Variants in COL8A1 observed in about 807,000 individuals in gnomAD.
COL8A1 encodes collagen alpha-1(VIII) chain.
A neutral mutation model predicts 42.7 loss-of-function variants in COL8A1; 21 were observed. That is an observed-to-expected ratio of 0.49 (90% confidence interval 0.35 to 0.71). The LOEUF is 0.71. Among genes scored for constraint, COL8A1 ranks in the 30% least tolerant of loss-of-function variants. The pLI, the probability that COL8A1 is intolerant of heterozygous loss-of-function variation, is 0.01. For synonymous variants in COL8A1, 367 were observed against 369.1 expected (o/e 0.99, Z 0.06); for missense variants, 788 against 962.4 (o/e 0.82, Z 2.40).
At chr3:99,716,399 C>G (rs1559616186) in intron 1 of COL8A1, among the ~76,000 whole-genome samples, 1 of 152,060 alleles carries the variant, frequency 6.6e-6, no homozygotes, top group Non-Finnish European at 1.5e-5. Flanking sequence ...GTAAGACAAG[C>G]ATTCCATCAG....
At chr3:99,668,101 T>TA (rs1463880618) in intron 1 of COL8A1, among the ~76,000 whole-genome samples, 1 of 152,080 alleles carries the variant, frequency 6.6e-6, no homozygotes, top group Admixed American at 6.6e-5. Flanking sequence ...ACAGCAAATT[T>TA]AAAAAAATAG....
At chr3:99,697,529 A>C (rs1939414917) in intron 1 of COL8A1, among the ~76,000 whole-genome samples, 1 of 152,186 alleles carries the variant, frequency 6.6e-6, no homozygotes, top group Non-Finnish European at 1.5e-5. Context: ...AGCTGAGATA[A>C]AAGCATGTTT....
intron 2 of COL8A1, among the ~76,000 whole-genome samples, chr3:99,783,283 A>C (rs1231841145): frequency 6.6e-6 from 1 of 152,246 alleles, no homozygotes; most frequent in Non-Finnish European, 1.5e-5. Context: ...CGCTGGGGGC[A>C]CAACCTAATT....
chr3:99,657,575 C>A (rs989371914), intron 1 of COL8A1, among the ~76,000 whole-genome samples: 2 of 152,120 alleles, frequency 1.3e-5, no homozygotes, highest in African/African-American at 4.8e-5. Context: ...TCAAAAGTGT[C>A]TTTACTCTTT....
At chr3:99,659,857 G>C (rs1028142210) in intron 1 of COL8A1, among the ~76,000 whole-genome samples, 1 of 152,050 alleles carries the variant, frequency 6.6e-6, no homozygotes, top group Non-Finnish European at 1.5e-5. Flanking sequence ...TTCTATTGCT[G>C]GCCATTTGAA....
intron 1 of COL8A1, among the ~76,000 whole-genome samples, chr3:99,647,889 T>G (rs761585824): frequency 7.6e-4 from 115 of 152,180 alleles, no homozygotes; most frequent in Non-Finnish European, 1.2e-3. Flanking sequence ...TTACTATTTC[T>G]CTTAGGACAT....
intron 1 of COL8A1, among the ~76,000 whole-genome samples, chr3:99,712,462 AGCCTGTCGGACATCCGG>A (rs2107358923): frequency 6.6e-6 from 1 of 152,304 alleles, no homozygotes; most frequent in Non-Finnish European, 1.5e-5. Flanking sequence ...TCCACCTCCC[AGCCTGTCGGACATCCGG>A]GCTCATGATT....
intron 1 of COL8A1, among the ~76,000 whole-genome samples, chr3:99,656,540 T>C (rs576884227): frequency 2.0e-5 from 3 of 152,122 alleles, no homozygotes; most frequent in African/African-American, 7.2e-5. Context: ...TTGGACTTTG[T>C]TCCTATTTCA....
At chr3:99,778,833 A>G (rs970287105) in intron 2 of COL8A1, among the ~76,000 whole-genome samples, 2 of 152,302 alleles carry the variant, frequency 1.3e-5, no homozygotes, top group Non-Finnish European at 2.9e-5. Flanking sequence ...GAAAAGGGGT[A>G]GGCAGGATGA....
intron 2 of COL8A1, among the ~76,000 whole-genome samples, chr3:99,764,701 C>CTTTTTT (rs10648559): frequency 4.0e-5 from 5 of 125,050 alleles, no homozygotes; most frequent in South Asian, 2.4e-4. Flanking sequence ...TCTTTTTTTT[C>CTTTTTT]TTTTTTTTTT....
chr3:99,676,527 T>TA (rs1409738730), intron 1 of COL8A1, among the ~76,000 whole-genome samples: 1 of 152,114 alleles, frequency 6.6e-6, no homozygotes, highest in South Asian at 2.1e-4. Flanking sequence ...AGGGGTTTGA[T>TA]AACATTTAAT....
At chr3:99,675,250 C>T (rs1938658814) in intron 1 of COL8A1, among the ~76,000 whole-genome samples, 1 of 152,030 alleles carries the variant, frequency 6.6e-6, no homozygotes, top group Non-Finnish European at 1.5e-5. Context: ...GAAGCTCCCT[C>T]AGAGATCTCT....
chr3:99,656,765 C>T (rs1367449305), intron 1 of COL8A1, among the ~76,000 whole-genome samples: 4 of 152,192 alleles, frequency 2.6e-5, no homozygotes, highest in African/African-American at 9.7e-5. Context: ...GGTCAATTTG[C>T]TCCTGCATAA....
At chr3:99,679,929 T>G (rs1938817059) in intron 1 of COL8A1, 1 of 152,198 alleles carries the variant, frequency 6.6e-6, no homozygotes, top group Admixed American at 6.5e-5. Context: ...CATTAGCAAC[T>G]GTTACTTCAA....
intron 1 of COL8A1, among the ~76,000 whole-genome samples, chr3:99,695,146 A>C (rs1389093412): frequency 6.6e-6 from 1 of 152,194 alleles, no homozygotes; most frequent in African/African-American, 2.4e-5. Context: ...TTAAAAAGTA[A>C]AATGAAACAG....
At chr3:99,687,833 G>T (rs1939108446) in intron 1 of COL8A1, among the ~76,000 whole-genome samples, 1 of 152,160 alleles carries the variant, frequency 6.6e-6, no homozygotes, top group Non-Finnish European at 1.5e-5. Flanking sequence ...TGGCAATTTT[G>T]CAAATAGTTG....
intron 1 of COL8A1, among the ~76,000 whole-genome samples, chr3:99,738,490 G>T (rs895251640): frequency 6.6e-6 from 1 of 152,228 alleles, no homozygotes; most frequent in Non-Finnish European, 1.5e-5. Flanking sequence ...TGCCGTGTGA[G>T]GTGTCAGTGT....
At chr3:99,679,131 G>A (rs898196068) in intron 1 of COL8A1, 5 of 152,180 alleles carry the variant, frequency 3.3e-5, no homozygotes, top group Admixed American at 6.5e-5. Flanking sequence ...TGAAGAATAA[G>A]ATTGTTTCTT....
chr3:99,735,742 G>T (rs1230160033), intron 1 of COL8A1, among the ~76,000 whole-genome samples: 1 of 151,802 alleles, frequency 6.6e-6, no homozygotes, highest in Non-Finnish European at 1.5e-5. Context: ...GCTCCTCCTT[G>T]TACCTCTGGT....
Sources: gnomAD v4.1 joint callset for allele counts (sites outside exome capture counted in the v4.1 genomes callset) on GRCh38, gnomAD v4.1.1 for gene constraint, MANE v1.5 for transcripts, NCBI Gene and HGNC (gene_info 2026-07-23, HGNC 2026-07-21) for gene names.